RANBP2: variants seen among roughly 807,000 people sequenced by gnomAD.
RANBP2 encodes the protein RAN binding protein 2.
A neutral mutation model predicts 303.6 loss-of-function variants in RANBP2; 57 were observed. That is an observed-to-expected ratio of 0.19 (90% confidence interval 0.15 to 0.23). The LOEUF is 0.23. Ranked by LOEUF, RANBP2 falls within the 10% of genes least tolerant of loss-of-function variation. The pLI, the probability that RANBP2 is intolerant of heterozygous loss-of-function variation, is 1.00. For synonymous variants in RANBP2, 1,167 were observed against 1,301.5 expected, an observed-to-expected ratio of 0.90 and a Z score of 2.23; for missense variants, 3,138 against 3,780.8, an observed-to-expected ratio of 0.83 and a Z score of 4.46.
At chr2:109,288,380 A>T in the RANBP2 span, among the ~76,000 whole-genome samples, 199 of 152,314 alleles carry the variant, frequency 1.3e-3, no homozygotes, top group African/African-American at 4.4e-3. Flanking sequence ...AGGTATTCTC[A>T]TCTAAAGACC....
At chr2:108,979,727 C>T in the RANBP2 span, among the ~76,000 whole-genome samples, 6 of 152,140 alleles carry the variant, frequency 3.9e-5, no homozygotes, top group African/African-American at 1.4e-4. Context: ...CAGGTCCAGG[C>T]AGCAGTAGCC....
At chr2:109,577,674 A>C in the RANBP2 span, among the ~76,000 whole-genome samples, 93 of 152,044 alleles carry the variant, frequency 6.1e-4, no homozygotes, top group African/African-American at 2.2e-3. Flanking sequence ...GCACTTTGGG[A>C]GGCCAAGGTG....
the RANBP2 span, among the ~76,000 whole-genome samples, chr2:108,941,107 G>T: frequency 6.6e-6 from 1 of 152,218 alleles, no homozygotes; most frequent in African/African-American, 2.4e-5. Flanking sequence ...GAATCGGGCA[G>T]CTGGTTTCTT....
At chr2:109,435,213 A>G in the RANBP2 span, among the ~76,000 whole-genome samples, 3,208 of 152,308 alleles carry the variant, frequency 0.021, 55 homozygotes, top group South Asian at 0.064. Context: ...GTTGAAGGCC[A>G]TGGGTCCCTC....
chr2:109,000,239 G>T, the RANBP2 span, among the ~76,000 whole-genome samples: 4 of 152,146 alleles, frequency 2.6e-5, no homozygotes, highest in Admixed American at 1.3e-4. Context: ...TGCAAATAAA[G>T]TCCTAGGCCG....
At chr2:108,964,175 T>C in the RANBP2 span, among the ~76,000 whole-genome samples, 2 of 152,300 alleles carry the variant, frequency 1.3e-5, no homozygotes, top group Admixed American at 1.3e-4. Flanking sequence ...TCCCACCTCC[T>C]GAAATGCTCT....
the RANBP2 span, among the ~76,000 whole-genome samples, chr2:109,209,292 C>T: frequency 3.9e-5 from 6 of 152,134 alleles, no homozygotes; most frequent in African/African-American, 7.2e-5. Context: ...AGGTCCTGCG[C>T]GGGTGATTTT....
the RANBP2 span, among the ~76,000 whole-genome samples, chr2:109,100,610 T>A: frequency 6.6e-6 from 1 of 152,132 alleles, no homozygotes; most frequent in Non-Finnish European, 1.5e-5. Flanking sequence ...TGGACCCGCC[T>A]GGAGAGAAAG....
chr2:109,444,817 A>C, the RANBP2 span, among the ~76,000 whole-genome samples: 1 of 152,350 alleles, frequency 6.6e-6, no homozygotes, highest in African/African-American at 2.4e-5. Context: ...AAACTCACAC[A>C]TAAGTTAGCC....
chr2:108,906,610 C>T, the RANBP2 span, among the ~76,000 whole-genome samples: 36 of 152,310 alleles, frequency 2.4e-4, no homozygotes, highest in South Asian at 5.2e-3. Context: ...TGGTCAGACT[C>T]GTAAGATACT....
chr2:108,815,913 A>T, the RANBP2 span: 3 of 1,569,672 alleles, frequency 1.9e-6, no homozygotes. Context: ...TGTGAACTGA[A>T]ATAAATGATT....
the RANBP2 span, chr2:109,348,091 C>A: frequency 8.6e-7 from 1 of 1,163,042 alleles, no homozygotes; most frequent in Non-Finnish European, 1.2e-6. Flanking sequence ...GGGCAAATGA[C>A]CCAGCCTCCC....
the RANBP2 span, among the ~76,000 whole-genome samples, chr2:108,917,643 T>C: frequency 6.6e-6 from 1 of 152,104 alleles, no homozygotes; most frequent in Admixed American, 6.5e-5. Context: ...ATGCTAAGAC[T>C]AGAGGGGGGT....
the RANBP2 span, among the ~76,000 whole-genome samples, chr2:109,395,709 G>A: frequency 1.3e-5 from 2 of 152,182 alleles, no homozygotes; most frequent in Non-Finnish European, 2.9e-5. Context: ...GCTGGTGGCC[G>A]CCCAGTGCTC....
chr2:109,278,010 CAAA>C, the RANBP2 span, among the ~76,000 whole-genome samples: 2 of 81,324 alleles, frequency 2.5e-5, no homozygotes, highest in Admixed American at 1.3e-4. Context: ...CTGTCTCTAA[CAAA>C]AAAAAAAAAA....
the RANBP2 span, among the ~76,000 whole-genome samples, chr2:109,583,495 C>G: frequency 6.6e-6 from 1 of 152,152 alleles, no homozygotes; most frequent in Non-Finnish European, 1.5e-5. Context: ...ACAACAGATA[C>G]TGGCGGGGCT....
At chr2:109,075,579 C>CACAA in the RANBP2 span, among the ~76,000 whole-genome samples, 11 of 109,694 alleles carry the variant, frequency 1.0e-4, no homozygotes, top group East Asian at 3.0e-3. Flanking sequence ...CTTAGACAAA[C>CACAA]AAAAAAAAAA....
the RANBP2 span, among the ~76,000 whole-genome samples, chr2:108,853,405 G>A: frequency 6.6e-6 from 1 of 152,088 alleles, no homozygotes; most frequent in South Asian, 2.1e-4. Context: ...TGGAGATACA[G>A]AAATCTATGT....
the RANBP2 span, among the ~76,000 whole-genome samples, chr2:108,863,132 C>T: frequency 4.6e-5 from 7 of 152,190 alleles, no homozygotes; most frequent in East Asian, 1.3e-3. Flanking sequence ...ACAAGTTTTT[C>T]TTGATTTGAA....
Sources: gnomAD v4.1 joint callset for allele counts (sites outside exome capture counted in the v4.1 genomes callset) on GRCh38, gnomAD v4.1.1 for gene constraint, MANE v1.5 for transcripts, NCBI Gene and HGNC (gene_info 2026-07-23, HGNC 2026-07-21) for gene names.